Variants in PKIB observed in about 807,000 individuals in gnomAD.
The protein encoded by PKIB is cAMP-dependent protein kinase inhibitor beta.
PKIB carries 2 observed loss-of-function variants against 4.5 expected under a neutral mutation model. The ratio of observed to expected loss-of-function variants is 0.44; its 90% CI spans 0.18 to 1.39. The LOEUF (loss-of-function observed/expected upper bound fraction) is 1.39, where lower values mean the gene tolerates loss of function less well. Ranked by LOEUF, PKIB falls within the 40% of genes most tolerant of loss-of-function variation. The pLI, the probability that PKIB is intolerant of heterozygous loss-of-function variation, is 0.27. For missense variants in PKIB, 94 were observed against 92.6 expected (o/e 1.02, Z -0.06); for synonymous variants, 38 against 36.0 (o/e 1.06, Z -0.20).
At chr6:122,618,754 A>G (rs961576794) in intron 1 of PKIB, among the ~76,000 whole-genome samples, 3 of 152,108 alleles carry the variant, frequency 2.0e-5, no homozygotes, top group African/African-American at 7.2e-5. Context: ...TATAAACAAT[A>G]GCATAGTAGA....
At chr6:122,656,443 G>C (rs1302820801) in intron 2 of PKIB, among the ~76,000 whole-genome samples, 2 of 152,134 alleles carry the variant, frequency 1.3e-5, no homozygotes, top group African/African-American at 4.8e-5. Flanking sequence ...ATTTGAATTT[G>C]AGAGAAATTA....
At chr6:122,539,830 A>G (rs1382313666) in intron 2 of PKIB, among the ~76,000 whole-genome samples, 1 of 151,948 alleles carries the variant, frequency 6.6e-6, no homozygotes, top group Admixed American at 6.6e-5. Context: ...TTTGGTTCGT[A>G]AGCTATTGAT....
chr6:122,706,701 A>G (rs1489784399), intron 3 of PKIB, among the ~76,000 whole-genome samples: 3 of 152,182 alleles, frequency 2.0e-5, no homozygotes, highest in African/African-American at 2.4e-5. Flanking sequence ...GTAGAATCAC[A>G]TGAACAAATT....
chr6:122,499,292 A>C (rs1776157301), intron 2 of PKIB, among the ~76,000 whole-genome samples: 1 of 152,218 alleles, frequency 6.6e-6, no homozygotes, highest in Non-Finnish European at 1.5e-5. Flanking sequence ...TCCCTAATGA[A>C]TATAGGCAGA....
chr6:122,659,493 T>C (rs115822683), intron 2 of PKIB, among the ~76,000 whole-genome samples: 3,886 of 152,210 alleles, frequency 0.026, 160 homozygotes, highest in African/African-American at 0.088. Context: ...TTATAGGTAC[T>C]TGATTGTTTT....
intron 1 of PKIB, among the ~76,000 whole-genome samples, chr6:122,622,540 T>G (rs146874826): frequency 6.6e-6 from 1 of 152,304 alleles, no homozygotes; most frequent in African/African-American, 2.4e-5. Flanking sequence ...CCCTGACCCC[T>G]TGTTAACCTG....
chr6:122,613,879 C>T (rs1774870976), intron 1 of PKIB, among the ~76,000 whole-genome samples: 1 of 145,640 alleles, frequency 6.9e-6, no homozygotes, highest in Non-Finnish European at 1.5e-5. Context: ...AGGAGTATCG[C>T]TTGAACCCAG....
intron 3 of PKIB, among the ~76,000 whole-genome samples, chr6:122,688,841 C>T (rs1008428827): frequency 3.3e-5 from 5 of 149,516 alleles, no homozygotes; most frequent in East Asian, 4.0e-4. Context: ...AGTGCAGTGG[C>T]GCGATCTCGG....
Position 122,726,047 on chromosome 6 carries a change from T to G in PKIB, c.*852T>G, listed in dbSNP as rs1288602137. Reference sequence around the variant, plus strand: ...GCAATGCAGACCTTAATTTTTATATTTTTTTAAAGTAGCTAACATAGCAGT... The same window carrying G: ...GCAATGCAGACCTTAATTTTTATATGTTTTTAAAGTAGCTAACATAGCAGT... On this transcript the variant is annotated 3_prime_UTR_variant, in exon 5 of 5. Transcript: ENST00000368452. 5 of 152,112 alleles carry G rather than the reference T, an allele frequency of 3.3e-5. No homozygotes were observed. Among genetic ancestry groups the G allele is most frequent in the Non-Finnish European group, 5.9e-5 (4 of 67,996 alleles). 9.4% of individuals were successfully genotyped at this position (152,112 alleles called of 1,614,324 possible). A position where few individuals can be genotyped will look rare whatever the true frequency, so the allele number is the denominator to read the frequency against.
intron 3 of PKIB, among the ~76,000 whole-genome samples, chr6:122,679,206 G>A (rs913361402): frequency 9.2e-5 from 14 of 152,224 alleles, no homozygotes; most frequent in African/African-American, 2.9e-4. Flanking sequence ...AAGCACAAAC[G>A]TGCAGTGACC....
At chr6:122,510,130 A>G (rs531798002) in intron 2 of PKIB, among the ~76,000 whole-genome samples, 206 of 152,254 alleles carry the variant, frequency 1.4e-3, no homozygotes, top group African/African-American at 4.8e-3. Context: ...TTGAGGCTTA[A>G]TGGCTCTATT....
intron 2 of PKIB, among the ~76,000 whole-genome samples, chr6:122,517,044 T>C (rs911260211): frequency 1.3e-5 from 2 of 152,198 alleles, no homozygotes; most frequent in Admixed American, 6.5e-5. Context: ...TGTCTTAGAA[T>C]CTCAGCTTTT....
At chr6:122,483,544 A>C (rs1333564333) in intron 2 of PKIB, 3 of 152,252 alleles carry the variant, frequency 2.0e-5, no homozygotes, top group Non-Finnish European at 4.4e-5. Context: ...ACAAAAGTTT[A>C]TTAACATATG....
chr6:122,652,340 A>G lies in PKIB; in HGVS notation c.-76+18973A>G, dbSNP rs1025189404. Reference sequence around the variant, plus strand: ...TGTGTGTGTGTGTGTGTGTGGAGAGAGAGAGATTTATTGAAAAGAATTGAT... The same window carrying G: ...TGTGTGTGTGTGTGTGTGTGGAGAGGGAGAGATTTATTGAAAAGAATTGAT... On this transcript the variant is annotated intron_variant, in intron 2 of 4. Coordinates refer to ENST00000368452, the MANE Select transcript of PKIB (RefSeq NM_181795.3). 2.9e-4 allele frequency among the ~76,000 whole-genome samples: 44 copies of G among 150,344 alleles called. No individual in the cohort carries two copies. The East Asian group carries it at 6.2e-3, about 21-fold the overall frequency.
At chr6:122,590,577 T>C (rs931520898) in intron 3 of PKIB, among the ~76,000 whole-genome samples, 4 of 152,210 alleles carry the variant, frequency 2.6e-5, no homozygotes. Context: ...GTAGGCAGAC[T>C]GCAAAATGAT....
chr6:122,565,048 C>T (rs1773144415), intron 2 of PKIB, among the ~76,000 whole-genome samples: 1 of 152,118 alleles, frequency 6.6e-6, no homozygotes, highest in South Asian at 2.1e-4. Flanking sequence ...ATGGCTTACC[C>T]ATATTTTAAC....
chr6:122,540,840 A>G (rs1338975066), intron 2 of PKIB, among the ~76,000 whole-genome samples: 1 of 150,992 alleles, frequency 6.6e-6, no homozygotes, highest in Non-Finnish European at 1.5e-5. Flanking sequence ...GTCACTCAGG[A>G]CTTGCTTTAT....
chr6:122,701,182 T>C (rs903319739), intron 3 of PKIB: 13 of 363,238 alleles, frequency 3.6e-5, no homozygotes, highest in African/African-American at 6.2e-5. Flanking sequence ...TACCTTTGCA[T>C]GAACAACAAT....
chr6:122,680,811 C>T (rs1000051231), intron 3 of PKIB, among the ~76,000 whole-genome samples: 2 of 152,204 alleles, frequency 1.3e-5, no homozygotes, highest in East Asian at 1.9e-4. Context: ...CAATCTATTC[C>T]GTTTGCTGTA....
Sources: allele counts gnomAD v4.1 joint callset (sites outside exome capture counted in the v4.1 genomes callset), GRCh38; gene constraint gnomAD v4.1.1; transcripts MANE v1.5; gene names NCBI Gene and HGNC (gene_info 2026-07-23, HGNC 2026-07-21).